Variants in ETV6 observed in about 807,000 individuals in gnomAD.
ETV6 encodes the protein transcription factor ETV6.
A neutral mutation model predicts 51.1 loss-of-function variants in ETV6; 16 were observed. That is an observed-to-expected ratio of 0.31 (90% CI 0.21 to 0.48). ETV6 has a LOEUF of 0.48. Among genes scored for constraint, ETV6 ranks in the 20% least tolerant of loss-of-function variants. The pLI, the probability that ETV6 is intolerant of heterozygous loss-of-function variation, is 0.99. For synonymous variants in ETV6, 240 were observed against 224.1 expected, an observed-to-expected ratio of 1.07 and a Z score of -0.64; for missense variants, 458 against 594.8, an observed-to-expected ratio of 0.77 and a Z score of 2.39.
intron 1 of ETV6, among the ~76,000 whole-genome samples, chr12:11,750,420 C>T (rs1865999195): frequency 3.3e-5 from 5 of 152,280 alleles, no homozygotes; most frequent in Middle Eastern, 6.8e-3. Flanking sequence ...GGCGGCCTCA[C>T]TCTCATGGAC....
intron 2 of ETV6, chr12:11,768,996 T>C (rs374274147): frequency 4.3e-6 from 2 of 468,806 alleles, no homozygotes; most frequent in Non-Finnish European, 8.6e-6. Context: ...ACCCGTAGGC[T>C]CAGTGCTAGT....
At chr12:11,874,316 G>A (rs1370445485) in intron 5 of ETV6, among the ~76,000 whole-genome samples, 1 of 150,666 alleles carries the variant, frequency 6.6e-6, no homozygotes, top group African/African-American at 2.4e-5. Flanking sequence ...GGTGGAGGTT[G>A]TAATGAGCCA....
intron 2 of ETV6, among the ~76,000 whole-genome samples, chr12:11,796,503 A>G (rs965618258): frequency 6.6e-6 from 1 of 152,128 alleles, no homozygotes; most frequent in African/African-American, 2.4e-5. Flanking sequence ...TCTCAACCCA[A>G]TGAGATACAA....
chr12:11,862,789 T>G (rs529066019), intron 4 of ETV6, among the ~76,000 whole-genome samples: 1 of 152,190 alleles, frequency 6.6e-6, no homozygotes, highest in Non-Finnish European at 1.5e-5. Flanking sequence ...CTTCAACTTA[T>G]GAATTTTGGG....
rs147305258 is a variant in ETV6, at chr12:11,752,473, T to C, written c.57T>C (p.Pro19=). Residue 19 remains proline, a synonymous_variant, in exon 2 of 8, where the codon CCT becomes CCC. Transcript: ENST00000396373. ...AGCAGGAACGAATTTCATATACACCTCCAGAGAGCCCAGTGCCGAGTTACG... is the reference window on the plus strand; with the variant it reads ...AGCAGGAACGAATTTCATATACACCCCCAGAGAGCCCAGTGCCGAGTTACG... ...SIKQERISYT[P]PESPVPSYAS... is the part of the protein sequence containing the mutation. 4.3e-4 allele frequency: 696 copies of C among 1,613,534 alleles called. 1 individual carries two copies. Among genetic ancestry groups the C allele is most frequent in the Non-Finnish European group, 5.3e-4 (630 of 1,179,808 alleles).
chr12:11,735,086 CTTTTTT>C (rs58797937), intron 1 of ETV6, among the ~76,000 whole-genome samples: 7 of 76,230 alleles, frequency 9.2e-5, no homozygotes, highest in Middle Eastern at 0.016. Flanking sequence ...GCAAGGTGGC[CTTTTTT>C]TTTTTTTTTT....
At chr12:11,775,631 A>G (rs534352691) in intron 2 of ETV6, among the ~76,000 whole-genome samples, 1 of 152,290 alleles carries the variant, frequency 6.6e-6, no homozygotes, top group Middle Eastern at 3.4e-3. Flanking sequence ...ACCCCACCAG[A>G]TGTGTGCAGA....
chr12:11,775,426 A>G (rs1945307304), intron 2 of ETV6, among the ~76,000 whole-genome samples: 2 of 152,370 alleles, frequency 1.3e-5, no homozygotes, highest in Admixed American at 6.5e-5. Flanking sequence ...CATAAGTCAA[A>G]TACAGACACT....
At chr12:11,664,379 A>G (rs1398517468) in intron 1 of ETV6, among the ~76,000 whole-genome samples, 1 of 151,726 alleles carries the variant, frequency 6.6e-6, no homozygotes, top group Non-Finnish European at 1.5e-5. Context: ...AGAGATGTTG[A>G]TGAGTGGGAT....
At chr12:11,797,922 G>A (rs1945701232) in intron 2 of ETV6, among the ~76,000 whole-genome samples, 1 of 152,226 alleles carries the variant, frequency 6.6e-6, no homozygotes, top group African/African-American at 2.4e-5. Flanking sequence ...TTGCTAGAAT[G>A]CTTATAATAT....
intron 7 of ETV6, among the ~76,000 whole-genome samples, chr12:11,889,773 A>C (rs985087133): frequency 6.6e-6 from 1 of 152,208 alleles, no homozygotes; most frequent in African/African-American, 2.4e-5. Context: ...AGAGCAAAGG[A>C]TGCACCTTTG....
At chr12:11,745,175 C>T (rs1865884866) in intron 1 of ETV6, among the ~76,000 whole-genome samples, 2 of 152,186 alleles carry the variant, frequency 1.3e-5, no homozygotes, top group Admixed American at 1.3e-4. Context: ...GTTCTACCCA[C>T]ACTGTAATTT....
chr12:11,692,172 A>G (rs770899847), intron 1 of ETV6, among the ~76,000 whole-genome samples: 48 of 152,206 alleles, frequency 3.2e-4, no homozygotes, highest in Non-Finnish European at 5.4e-4. Context: ...GGATTAATGG[A>G]TTAATGGGTT....
rs1466031507 is a variant in ETV6 at position 11,869,540 on chromosome 12, C to T, written c.580C>T (p.Pro194Ser). Reference sequence around the variant, plus strand: ...TATCACGACAAATCACCGGCCTTCTCCTGACCCCGAGCAGCGGCCCCTCCG... The same window carrying T: ...TATCACGACAAATCACCGGCCTTCTTCTGACCCCGAGCAGCGGCCCCTCCG... Reference protein sequence around the residue: ...SPITTNHRPSPDPEQRPLRSP... With the variant: ...SPITTNHRPSSDPEQRPLRSP... The change falls in exon 5 of 8, where the codon CCT becomes TCT. Residue 194 changes from proline to serine, a missense_variant. Coordinates refer to ENST00000396373, the MANE Select transcript of ETV6 (RefSeq NM_001987.5). This position sits in a 1 kb window ranked among gnomAD's most constrained non-coding sequence, Gnocchi z 5.0. 1.2e-6 allele frequency: 2 copies of T among 1,614,062 alleles called. No homozygotes were observed. Among genetic ancestry groups the T allele is most frequent in the East Asian group, 4.5e-5 (2 of 44,882 alleles).
rs367594605 is a variant in ETV6, at chr12:11,650,481, T to TAAAAAAAAAAAAAAAAAAAAAA, written c.33+335_33+336insAAAAAAAAAAAAAAAAAAAAAA. ...AAAACACCCCCGTAATTAGTGCGCT[T>TAAAAAAAAAAAAAAAAAAAAAA]AAAAAAAAAAAAAACAAAAAACAAA... On this transcript the variant is annotated intron_variant, in intron 1 of 7. Transcript: ENST00000396373. Among the ~76,000 whole-genome samples the TAAAAAAAAAAAAAAAAAAAAAA allele has an allele frequency of 3.9e-4, 17 of 43,326 alleles. 3 individuals are homozygous for TAAAAAAAAAAAAAAAAAAAAAA. Among genetic ancestry groups the TAAAAAAAAAAAAAAAAAAAAAA allele is most frequent in the South Asian group, 1.4e-3 (1 of 724 alleles). 28.4% of individuals were successfully genotyped at this position (43,326 alleles called of 152,430 possible).
intron 2 of ETV6, among the ~76,000 whole-genome samples, chr12:11,816,197 C>A (rs1396707532): frequency 1.3e-5 from 2 of 152,158 alleles, no homozygotes; most frequent in Non-Finnish European, 2.9e-5. Flanking sequence ...TTTAGGAGGC[C>A]CTGGGAAGCC....
At chr12:11,868,262 T>A (rs570628156) in intron 4 of ETV6, among the ~76,000 whole-genome samples, 1 of 152,308 alleles carries the variant, frequency 6.6e-6, no homozygotes, top group South Asian at 2.1e-4. Context: ...ACACAGGTTC[T>A]AGAATCTGAC....
Position 11,649,954 on chromosome 12 carries a change from GCCGCCCCGCC to G in ETV6, c.-164_-155del, listed in dbSNP as rs567666210. On this transcript the variant is annotated 5_prime_UTR_variant, in exon 1 of 8. The change creates a premature stop within an existing upstream ORF in the 5' untranslated region. Transcript: ENST00000396373. ...CCGCCCCGCGCGCCCAACTCCGCCG[GCCGCCCCGCC>G]CCGCCCCGCGCGCTCCAGACCCCCG... is the stretch of plus-strand genomic sequence containing the variant. 7.5e-6 allele frequency: 3 copies of G among 401,476 alleles called. No individual in the cohort carries two copies. Among genetic ancestry groups the G allele is most frequent in the African/African-American group, 4.2e-5 (2 of 47,548 alleles). The allele number at this position is 401,476 out of a possible 1,614,324, so 24.9% of individuals were successfully genotyped here. A position where few individuals can be genotyped will look rare whatever the true frequency, so the allele number is the denominator to read the frequency against.
chr12:11,822,576 T>C (rs1475990150), intron 2 of ETV6, among the ~76,000 whole-genome samples: 1 of 152,204 alleles, frequency 6.6e-6, no homozygotes, highest in African/African-American at 2.4e-5. Flanking sequence ...CGGGCTTGCT[T>C]TCCACGGGCC....
Sources: gnomAD v4.1 joint callset for allele counts (sites outside exome capture counted in the v4.1 genomes callset) on GRCh38, gnomAD v4.1.1 for gene constraint, Gnocchi (gnomAD v3.1) non-coding constraint, MANE v1.5 for transcripts, NCBI Gene and HGNC (gene_info 2026-07-23, HGNC 2026-07-21) for gene names.